MACROD2: variants seen among roughly 807,000 people sequenced by gnomAD.
The protein encoded by MACROD2 is ADP-ribose glycohydrolase MACROD2.
Under a neutral mutation model 70.4 loss-of-function variants are expected in MACROD2, and 36 were observed. That is an observed-to-expected ratio of 0.51 (90% CI 0.39 to 0.68). The LOEUF is 0.68. Among genes scored for constraint, MACROD2 ranks in the 30% least tolerant of loss-of-function variants. MACROD2 has a pLI of 0.00. For synonymous variants in MACROD2, 172 were observed against 178.8 expected, an observed-to-expected ratio of 0.96 and a Z score of 0.30; for missense variants, 496 against 538.4, an observed-to-expected ratio of 0.92 and a Z score of 0.78.
intron 3 of MACROD2, among the ~76,000 whole-genome samples, chr20:14,103,699 G>A (rs1209688799): frequency 5.3e-5 from 8 of 152,012 alleles, no homozygotes; most frequent in African/African-American, 1.7e-4. Flanking sequence ...TGGTGCAATA[G>A]TACATTTTAA....
intron 7 of MACROD2, among the ~76,000 whole-genome samples, chr20:15,466,335 A>G (rs2046888073): frequency 6.6e-6 from 1 of 152,236 alleles, no homozygotes; most frequent in Non-Finnish European, 1.5e-5. Flanking sequence ...CTGAGGATAT[A>G]TTAATTCATT....
At chr20:14,186,695 T>A (rs1219091922) in intron 3 of MACROD2, among the ~76,000 whole-genome samples, 1 of 152,124 alleles carries the variant, frequency 6.6e-6, no homozygotes, top group Non-Finnish European at 1.5e-5. Flanking sequence ...GGAATCAACC[T>A]AGATGCCCAT....
chr20:15,011,677 C>T (rs965678269), intron 5 of MACROD2, among the ~76,000 whole-genome samples: 3 of 152,094 alleles, frequency 2.0e-5, no homozygotes, highest in Admixed American at 6.5e-5. Flanking sequence ...TAGCCCTTCC[C>T]CTCTCTCTCC....
intron 8 of MACROD2, among the ~76,000 whole-genome samples, chr20:15,579,560 C>T (rs1273390501): frequency 6.6e-6 from 1 of 152,188 alleles, no homozygotes; most frequent in Non-Finnish European, 1.5e-5. Context: ...GGGGAGCCCT[C>T]AGGATGTGTT....
chr20:14,283,091 C>G (rs2082319087), intron 3 of MACROD2, among the ~76,000 whole-genome samples: 1 of 152,134 alleles, frequency 6.6e-6, no homozygotes, highest in Non-Finnish European at 1.5e-5. Context: ...TAATTTGCAG[C>G]TAGTTCCATG....
Position 15,192,693 on chromosome 20 carries a change from CACTT to C in MACROD2, c.419-37245_419-37242del, listed in dbSNP as rs148394788. ...CTCACTCCATACATCCAGACACTGA[CACTT>C]AATTATGTTGTTCCACAGTAGATCA... On this transcript the variant is annotated intron_variant, in intron 5 of 17. Coordinates refer to ENST00000684519, the MANE Select transcript of MACROD2 (RefSeq NM_001351661.2). Among the ~76,000 whole-genome samples, 1,329 of 152,304 alleles carry C rather than the reference CACTT, an allele frequency of 8.7e-3. 17 individuals are homozygous for C. Among genetic ancestry groups the C allele is most frequent in the African/African-American group, 0.03 (1,261 of 41,556 alleles).
At chr20:14,923,006 TTA>T (rs2074182229) in intron 5 of MACROD2, among the ~76,000 whole-genome samples, 1 of 152,144 alleles carries the variant, frequency 6.6e-6, no homozygotes. Context: ...TGAGTCAGAG[TTA>T]GGAGCTGGAG....
At chr20:14,410,427 T>C (rs906078219) in intron 3 of MACROD2, among the ~76,000 whole-genome samples, 2 of 152,050 alleles carry the variant, frequency 1.3e-5, no homozygotes, top group Non-Finnish European at 2.9e-5. Flanking sequence ...TTCTTGTCTT[T>C]CTATGTGTAC....
intron 15 of MACROD2, among the ~76,000 whole-genome samples, chr20:16,029,814 C>T (rs778305091): frequency 1.5e-4 from 23 of 152,050 alleles, no homozygotes; most frequent in Non-Finnish European, 2.2e-4. Context: ...TGAAGGAAAA[C>T]GGGAAAGAAA....
rs2075613872 is a variant in MACROD2, at chr20:15,070,890, C to T, written c.419-159050C>T. Among the ~76,000 whole-genome samples the T allele has an allele frequency of 4.0e-5, 6 of 149,624 alleles. 1 individual carries two copies. The highest frequency in any genetic ancestry group is 3.4e-3 in the Middle Eastern group (1 of 290). ...TTTTCACTAGGGTAAACTTGAATAC[C>T]TTTGTTTTGTTTTGTTTTTGGAAAA... On this transcript the variant is annotated intron_variant, in intron 5 of 17. Coordinates refer to ENST00000684519, the MANE Select transcript of MACROD2 (RefSeq NM_001351661.2).
chr20:15,068,412 A>C (rs1403242777), intron 5 of MACROD2, among the ~76,000 whole-genome samples: 1 of 152,154 alleles, frequency 6.6e-6, no homozygotes, highest in Non-Finnish European at 1.5e-5. Flanking sequence ...TGAACAAATG[A>C]TATAGTTTGG....
intron 5 of MACROD2, among the ~76,000 whole-genome samples, chr20:15,189,520 ACAT>A (rs2076556311): frequency 6.6e-6 from 1 of 152,154 alleles, no homozygotes; most frequent in Non-Finnish European, 1.5e-5. Flanking sequence ...TTTTATAATA[ACAT>A]CATAACTGCT....
chr20:14,145,132 C>T (rs1287406924), intron 3 of MACROD2, among the ~76,000 whole-genome samples: 1 of 152,116 alleles, frequency 6.6e-6, no homozygotes, highest in Non-Finnish European at 1.5e-5. Context: ...TTACTATATA[C>T]CTCTACAAAA....
intron 6 of MACROD2, among the ~76,000 whole-genome samples, chr20:15,250,897 A>G (rs1014945927): frequency 1.3e-5 from 2 of 152,240 alleles, no homozygotes; most frequent in Admixed American, 6.5e-5. Flanking sequence ...AACATGTAGC[A>G]GGCATTCAGT....
chr20:15,738,002 A>G (rs2051049833), intron 8 of MACROD2, among the ~76,000 whole-genome samples: 1 of 152,172 alleles, frequency 6.6e-6, no homozygotes, highest in South Asian at 2.1e-4. Context: ...CTAAAAATTA[A>G]AACAAACTCA....
chr20:15,868,759 A>G (rs1457274559), intron 9 of MACROD2, among the ~76,000 whole-genome samples: 1 of 152,054 alleles, frequency 6.6e-6, no homozygotes, highest in Non-Finnish European at 1.5e-5. Flanking sequence ...GACTGAAAAA[A>G]CTACCAACTA....
At position 14,398,735 on chromosome 20, in the gene MACROD2, G is replaced by A. The variant is rs917563851; in HGVS notation, c.272-94744G>A. Reference sequence around the variant, plus strand: ...AGGTTATCTCTTTACTATGTTGATTGTTTCTTTTGTTGTTAATAGTCAATT... The same window carrying A: ...AGGTTATCTCTTTACTATGTTGATTATTTCTTTTGTTGTTAATAGTCAATT... On this transcript the variant is annotated intron_variant, in intron 3 of 17. Transcript: ENST00000684519. 3.3e-5 allele frequency among the ~76,000 whole-genome samples: 5 copies of A among 152,052 alleles called. No homozygotes were observed. The South Asian group carries it at 6.2e-4, about 19-fold the overall frequency.
chr20:15,685,315 A>G (rs1229863982), intron 8 of MACROD2, among the ~76,000 whole-genome samples: 1 of 152,150 alleles, frequency 6.6e-6, no homozygotes, highest in African/African-American at 2.4e-5. Context: ...ATGGGGTGGG[A>G]AGGAATTGTA....
At chr20:15,044,978 G>T (rs1220047775) in intron 5 of MACROD2, among the ~76,000 whole-genome samples, 1 of 152,116 alleles carries the variant, frequency 6.6e-6, no homozygotes, top group Non-Finnish European at 1.5e-5. Context: ...TTATGTCAAT[G>T]TAAGAGTTTT....
Sources: allele counts gnomAD v4.1 joint callset (sites outside exome capture counted in the v4.1 genomes callset), GRCh38; gene constraint gnomAD v4.1.1; transcripts MANE v1.5; gene names NCBI Gene and HGNC (gene_info 2026-07-23, HGNC 2026-07-21).